Variants in EDEM2 observed in about 807,000 individuals in gnomAD.
The protein encoded by EDEM2 is ER degradation enhancing alpha-mannosidase like protein 2.
Under a neutral mutation model 64.8 loss-of-function variants are expected in EDEM2, and 39 were observed. The ratio of observed to expected loss-of-function variants is 0.60; its 90% CI spans 0.47 to 0.79. The LOEUF (loss-of-function observed/expected upper bound fraction) is 0.79, where lower values mean the gene tolerates loss of function less well. Among genes scored for constraint, EDEM2 ranks in the 30% least tolerant of loss-of-function variants. The pLI is 0.00. For synonymous variants in EDEM2, 296 were observed against 291.5 expected (o/e 1.02, Z -0.16); for missense variants, 609 against 731.3 (o/e 0.83, Z 1.93).
intron 8 of EDEM2, among the ~76,000 whole-genome samples, chr20:35,124,458 T>TGGCACAATCACGGTTCATTACAGC (rs2085406390): frequency 6.6e-6 from 1 of 152,196 alleles, no homozygotes. Flanking sequence ...TGGAGTGCAG[T>TGGCACAATCACGGTTCATTACAGC]GGCACAATCA....
chr20:35,135,466 C>T (rs2146106078), intron 5 of EDEM2, among the ~76,000 whole-genome samples: 1 of 152,282 alleles, frequency 6.6e-6, no homozygotes, highest in African/African-American at 2.4e-5. Flanking sequence ...GCCTGGCCAA[C>T]ATGGTGAAAC....
intron 3 of EDEM2, 136 bp from the exon 4 acceptor site, chr20:35,142,614 G>T (rs946047765): frequency 6.2e-6 from 4 of 644,378 alleles, no homozygotes; most frequent in Non-Finnish European, 1.1e-5. Flanking sequence ...ATTGGTGACA[G>T]CAGAAGAAAA....
Position 35,128,583 on chromosome 20 carries a change from G to T in EDEM2, c.845-2208C>A, listed in dbSNP as rs1260964136. On this transcript the variant is annotated intron_variant, in intron 7 of 10. Coordinates refer to ENST00000374492, the MANE Select transcript of EDEM2 (RefSeq NM_018217.3). ...CTCTGTCTAAAAAAAAAAAAAAAAT[G>T]AAACAGCTTCAGGCAGGTCCTTCAA... Among the ~76,000 whole-genome samples the T allele has an allele frequency of 1.4e-5, 2 of 142,652 alleles. 1 individual carries two copies. The highest frequency in any genetic ancestry group is 3.0e-5 in the Non-Finnish European group (2 of 65,636). 93.6% of individuals were successfully genotyped at this position (142,652 alleles called of 152,430 possible). A position where few individuals can be genotyped will look rare whatever the true frequency, so the allele number is the denominator to read the frequency against.
intron 10 of EDEM2, 142 bp from the exon 11 acceptor site, chr20:35,116,075 C>T: frequency 2.3e-6 from 2 of 867,188 alleles, no homozygotes; most frequent in Non-Finnish European, 3.5e-6. Context: ...GAACTTCACT[C>T]TTTCCCAAGC....
chr20:35,123,732 T>G (rs1191421644), intron 9 of EDEM2, among the ~76,000 whole-genome samples, 158 bp downstream of exon 9: 1 of 152,146 alleles, frequency 6.6e-6, no homozygotes, highest in African/African-American at 2.4e-5. Flanking sequence ...ATGGGGATAA[T>G]TAACTCCTAG....
intron 7 of EDEM2, among the ~76,000 whole-genome samples, chr20:35,130,234 A>T (rs1205406407): frequency 2.6e-5 from 4 of 151,258 alleles, no homozygotes; most frequent in Middle Eastern, 3.4e-3. Flanking sequence ...TGCCCAGCAA[A>T]TTTTTTTTTA....
At chr20:35,121,571 G>A (rs188781994) in intron 9 of EDEM2, among the ~76,000 whole-genome samples, 5 of 152,338 alleles carry the variant, frequency 3.3e-5, no homozygotes, top group South Asian at 2.1e-4. Flanking sequence ...CTAGAGGAAG[G>A]AGACAGCCCA....
intron 2 of EDEM2, among the ~76,000 whole-genome samples, chr20:35,145,674 A>G (rs2085719463): frequency 6.6e-6 from 1 of 152,200 alleles, no homozygotes; most frequent in Admixed American, 6.5e-5. Context: ...TTTTAAAGTG[A>G]CAGAAGTGTT....
chr20:35,126,577 C>T (rs903973628), intron 7 of EDEM2, among the ~76,000 whole-genome samples: 1 of 152,118 alleles, frequency 6.6e-6, no homozygotes, highest in African/African-American at 2.4e-5. Context: ...TAACCGTGAC[C>T]TGGGGTGGGT....
intron 2 of EDEM2, 74 bp from the exon 3 acceptor site, chr20:35,145,092 A>C: frequency 1.3e-6 from 2 of 1,511,540 alleles, no homozygotes; most frequent in East Asian, 4.6e-5. Flanking sequence ...CCTAGATCTG[A>C]TCCCCCTAAA....
intron 8 of EDEM2, among the ~76,000 whole-genome samples, chr20:35,124,651 A>AC (rs1333223238): frequency 6.6e-6 from 1 of 152,034 alleles, no homozygotes; most frequent in African/African-American, 2.4e-5. Context: ...TACAACCATC[A>AC]CCCATCTTGC....
Position 35,118,664 on chromosome 20 carries a change from T to C in EDEM2, c.1170A>G (p.Leu390=). 1 of 1,613,724 alleles carries C rather than the reference T, an allele frequency of 6.2e-7. No individual in the cohort carries two copies. ...LYRATGDPTL[L]ELGRDAVESI... is the part of the protein sequence containing the mutation. ...ATTCCACAGCATCTCTTCCGAGTTCTAGGAGGGTGGGATCCCCCGTGGCAC... is the reference window on the plus strand; with the variant it reads ...ATTCCACAGCATCTCTTCCGAGTTCCAGGAGGGTGGGATCCCCCGTGGCAC... Residue 390 remains leucine (L), a synonymous_variant, in exon 10 of 11, where the codon CTA becomes CTG. Transcript: ENST00000374492.
chr20:35,133,533 C>A (rs1417041952), intron 6 of EDEM2, among the ~76,000 whole-genome samples: 1 of 151,284 alleles, frequency 6.6e-6, no homozygotes, highest in Non-Finnish European at 1.5e-5. Context: ...ATGGCGCGAT[C>A]TCGGCTCATC....
At chr20:35,136,701 G>A (rs1013192313) in intron 5 of EDEM2, among the ~76,000 whole-genome samples, 3 of 145,970 alleles carry the variant, frequency 2.1e-5, no homozygotes, top group Non-Finnish European at 4.5e-5. Flanking sequence ...GCTGCAGTGA[G>A]CCATGATCAC....
chr20:35,147,153 T>C lies in EDEM2; in HGVS notation c.106A>G (p.Arg36Gly). Residue 36 changes from arginine (R) to glycine (G), a missense_variant and splice_region_variant, in exon 1 of 11, where the codon AGG (arginine) becomes GGG (glycine). Transcript: ENST00000374492. ...DGSAPDPAHY[R>G]ERVKAMFYHA... ...GCGAAAGGGCGGGTCACAGTTCACCTGTAGTGGGCGGGATCTGGCGCGGAG... is the reference window on the plus strand; with the variant it reads ...GCGAAAGGGCGGGTCACAGTTCACCCGTAGTGGGCGGGATCTGGCGCGGAG... The C allele has an allele frequency of 1.9e-6, 3 of 1,600,626 alleles. No homozygotes were observed. The highest frequency in any genetic ancestry group is 2.6e-6 in the Non-Finnish European group (3 of 1,171,710).
intron 6 of EDEM2, among the ~76,000 whole-genome samples, chr20:35,133,439 G>A (rs1223265470): frequency 6.6e-6 from 1 of 151,900 alleles, no homozygotes; most frequent in Admixed American, 6.6e-5. Flanking sequence ...GATGGACTAA[G>A]GGATTTACTA....
chr20:35,143,200 C>T (rs2085681658), intron 3 of EDEM2, among the ~76,000 whole-genome samples: 1 of 152,174 alleles, frequency 6.6e-6, no homozygotes, highest in African/African-American at 2.4e-5. Flanking sequence ...AATCCAGAAG[C>T]TTTCTCGGCC....
intron 9 of EDEM2, among the ~76,000 whole-genome samples, chr20:35,121,863 T>C (rs1320420687): frequency 1.3e-5 from 2 of 151,870 alleles, no homozygotes; most frequent in Non-Finnish European, 2.9e-5. Context: ...GGCGCCATCA[T>C]GGCTCACTGC....
At position 35,118,713 on chromosome 20, in the gene EDEM2, A is replaced by C. The variant is rs370673596; in HGVS notation, c.1121T>G (p.Ile374Ser). The C allele has an allele frequency of 2.5e-6, 4 of 1,612,208 alleles. No homozygotes were observed. Among genetic ancestry groups the C allele is most frequent in the Non-Finnish European group, 3.4e-6 (4 of 1,179,886 alleles). The change falls in exon 10 of 11, where the codon ATT becomes AGT. Residue 374 changes from isoleucine to serine, a missense_variant. Transcript: ENST00000374492. ...REGYPLRPEL[I>S]ESAMYLYRAT... ...ACGGTAGAGGTACATTGCGCTTTCA[A>C]TAAGTTCTGCAAAGTCCAAAGCAGA...
Sources: allele counts gnomAD v4.1 joint callset (sites outside exome capture counted in the v4.1 genomes callset), GRCh38; gene constraint gnomAD v4.1.1; transcripts MANE v1.5; gene names NCBI Gene and HGNC (gene_info 2026-07-23, HGNC 2026-07-21).